Variants in DAB1 observed in about 807,000 individuals in gnomAD.
DAB1 encodes the protein disabled homolog 1.
DAB1 carries 15 observed loss-of-function variants against 64.6 expected under a neutral mutation model. The observed-to-expected ratio is 0.23, with a 90% confidence interval of 0.16 to 0.36. The LOEUF (loss-of-function observed/expected upper bound fraction) is 0.36, where lower values mean the gene tolerates loss of function less well. Among genes scored for constraint, DAB1 ranks in the 10% least tolerant of loss-of-function variants. The pLI, the probability that DAB1 is intolerant of heterozygous loss-of-function variation, is 1.00. For missense variants in DAB1, 596 were observed against 706.7 expected (o/e 0.84, Z 1.78); for synonymous variants, 235 against 251.9 (o/e 0.93, Z 0.64).
At chr1:57,795,929 C>A (rs1650837671) in intron 6 of DAB1, among the ~76,000 whole-genome samples, 1 of 151,058 alleles carries the variant, frequency 6.6e-6, no homozygotes, top group African/African-American at 2.4e-5. Flanking sequence ...TTGTAAGAAT[C>A]AAATGTCATT....
chr1:58,506,763 T>A (rs1354966706), intron 2 of DAB1, among the ~76,000 whole-genome samples: 2 of 152,178 alleles, frequency 1.3e-5, no homozygotes, highest in Non-Finnish European at 2.9e-5. Context: ...GAAAAAAACT[T>A]CAAATAAACA....
rs12567138 is a variant in DAB1 at position 58,206,440 on chromosome 1, G to T, written n.310-55852C>A. 7.9e-5 allele frequency among the ~76,000 whole-genome samples: 12 copies of T among 152,306 alleles called. No individual in the cohort carries two copies. In the East Asian group the frequency reaches 2.3e-3, roughly 29 times the overall value. Reference sequence around the variant, plus strand: ...TTTTAAGGAATAGAATGGGAGGCAGGTTTGCCCTAAGCAGTTCCCAGCCTG... The same window carrying T: ...TTTTAAGGAATAGAATGGGAGGCAGTTTTGCCCTAAGCAGTTCCCAGCCTG... On this transcript the variant is annotated intron_variant and non_coding_transcript_variant, in intron 4 of 20. Coordinates refer to the DAB1 transcript ENST00000485760.
At chr1:57,249,084 A>T (rs1669122930) in intron 2 of DAB1, among the ~76,000 whole-genome samples, 1 of 152,182 alleles carries the variant, frequency 6.6e-6, no homozygotes, top group African/African-American at 2.4e-5. Context: ...CAATTATTCA[A>T]TTGTCAAGTG....
rs535390121 is a variant in DAB1, at chr1:57,360,790, T to C, written c.-137+63140A>G. On this transcript the variant is annotated intron_variant, in intron 1 of 14. Coordinates refer to ENST00000371236, the MANE Select transcript of DAB1 (RefSeq NM_001365792.1). ...GTGGACAGATTTCCCAGGCCCTTTG[T>C]TCTGGAATGATTGAAATCCAACTGA... Among the ~76,000 whole-genome samples the C allele has an allele frequency of 1.5e-4, 23 of 152,280 alleles. No homozygotes were observed. The East Asian group carries it at 3.7e-3, about 24-fold the overall frequency.
intron 4 of DAB1, among the ~76,000 whole-genome samples, chr1:58,286,908 G>A (rs1329211311): frequency 2.0e-5 from 3 of 152,090 alleles, no homozygotes; most frequent in Non-Finnish European, 2.9e-5. Context: ...GCAAAGACAT[G>A]GAATCAACAC....
chr1:57,880,280 T>C (rs952320777), intron 1 of DAB1: 3 of 152,132 alleles, frequency 2.0e-5, no homozygotes, highest in Non-Finnish European at 4.4e-5. Context: ...GTAGGGGGTC[T>C]AATTACATGT....
chr1:57,264,188 A>G (rs575825749), intron 2 of DAB1, among the ~76,000 whole-genome samples: 1 of 152,292 alleles, frequency 6.6e-6, no homozygotes, highest in South Asian at 2.1e-4. Flanking sequence ...ACATCATAGT[A>G]TCTAAAACAT....
chr1:57,079,954 C>T (rs1354387173), intron 4 of DAB1, among the ~76,000 whole-genome samples: 1 of 152,188 alleles, frequency 6.6e-6, no homozygotes, highest in Non-Finnish European at 1.5e-5. Context: ...CTGCCTCCGC[C>T]ACTAGAGGCA....
At chr1:57,801,935 T>G (rs1651147168) in intron 6 of DAB1, among the ~76,000 whole-genome samples, 1 of 152,210 alleles carries the variant, frequency 6.6e-6, no homozygotes, top group South Asian at 2.1e-4. Context: ...TGGGATTATA[T>G]GTGTGAACCA....
intron 3 of DAB1, among the ~76,000 whole-genome samples, chr1:58,424,548 G>A (rs750988232): frequency 1.3e-5 from 2 of 152,106 alleles, no homozygotes; most frequent in Admixed American, 1.3e-4. Context: ...ACTCCTTACC[G>A]TTAATTATAC....
At chr1:57,723,388 C>T (rs1377779952) in intron 6 of DAB1, among the ~76,000 whole-genome samples, 1 of 152,222 alleles carries the variant, frequency 6.6e-6, no homozygotes, top group Non-Finnish European at 1.5e-5. Flanking sequence ...GAATGCATGC[C>T]TGTTTCACAG....
chr1:57,124,673 T>C (rs1461555298), intron 4 of DAB1, among the ~76,000 whole-genome samples: 1 of 152,188 alleles, frequency 6.6e-6, no homozygotes, highest in Admixed American at 6.5e-5. Context: ...ATTTTCTAAA[T>C]AGTTTTTAGA....
chr1:57,872,342 A>C (rs1643967256), intron 1 of DAB1, among the ~76,000 whole-genome samples: 1 of 152,158 alleles, frequency 6.6e-6, no homozygotes, highest in Non-Finnish European at 1.5e-5. Flanking sequence ...GGCCACAAAG[A>C]GACTCCTCAT....
At chr1:58,270,544 T>C (rs1164346931) in intron 4 of DAB1, among the ~76,000 whole-genome samples, 1 of 57,950 alleles carries the variant, frequency 1.7e-5, no homozygotes, top group Non-Finnish European at 3.4e-5. Context: ...AAGTAGTTTT[T>C]TCCAATTCTG....
At chr1:57,978,249 A>G (rs1645971085) in intron 5 of DAB1, among the ~76,000 whole-genome samples, 1 of 152,196 alleles carries the variant, frequency 6.6e-6, no homozygotes, top group African/African-American at 2.4e-5. Context: ...CAGAGGCCTC[A>G]GAAATAACAC....
chr1:57,930,403 A>T (rs555154718), intron 5 of DAB1, among the ~76,000 whole-genome samples: 2 of 152,328 alleles, frequency 1.3e-5, no homozygotes, highest in South Asian at 4.1e-4. Flanking sequence ...TTCATTTGTC[A>T]ATATCCACAA....
intron 1 of DAB1, chr1:58,530,730 C>G: frequency 1.1e-6 from 1 of 871,554 alleles, no homozygotes; most frequent in Non-Finnish European, 2.0e-6. Context: ...CCTTTTCTGC[C>G]TAAGAATAAT....
chr1:57,079,363 C>T (rs1320698266), intron 4 of DAB1, among the ~76,000 whole-genome samples: 1 of 152,100 alleles, frequency 6.6e-6, no homozygotes, highest in East Asian at 1.9e-4. Context: ...CTTCCAAGTA[C>T]CTTTTGCTTG....
intron 4 of DAB1, among the ~76,000 whole-genome samples, chr1:57,092,687 G>A (rs1315440824): frequency 2.9e-5 from 4 of 137,674 alleles, no homozygotes; most frequent in Admixed American, 1.5e-4. Flanking sequence ...GGGTGGGGGG[G>A]CATGCCTGAG....
Sources: gnomAD v4.1 joint callset for allele counts (sites outside exome capture counted in the v4.1 genomes callset) on GRCh38, gnomAD v4.1.1 for gene constraint, MANE v1.5 for transcripts, NCBI Gene and HGNC (gene_info 2026-07-23, HGNC 2026-07-21) for gene names.